Variants in SOX5 observed in about 807,000 individuals in gnomAD.
The protein encoded by SOX5 is SRY-box transcription factor 5, also known as transcription factor SOX-5.
A neutral mutation model predicts 92.0 loss-of-function variants in SOX5; 9 were observed. That is an observed-to-expected ratio of 0.10 (90% CI 0.06 to 0.17). SOX5 has a LOEUF of 0.17. Among genes scored for constraint, SOX5 ranks in the 10% least tolerant of loss-of-function variants. The pLI is 1.00. For synonymous variants in SOX5, 344 were observed against 336.3 expected (o/e 1.02, Z -0.25); for missense variants, 642 against 944.5 (o/e 0.68, Z 4.20).
intron 3 of SOX5, among the ~76,000 whole-genome samples, chr12:24,259,416 C>T (rs1941757942): frequency 6.6e-6 from 1 of 152,236 alleles, no homozygotes; most frequent in African/African-American, 2.4e-5. Context: ...GCATTGTTTA[C>T]TGAGTATTTA....
chr12:23,639,067 C>T (rs2079670182), intron 8 of SOX5, among the ~76,000 whole-genome samples: 1 of 151,950 alleles, frequency 6.6e-6, no homozygotes, highest in African/African-American at 2.4e-5. Flanking sequence ...GGAACTTTAT[C>T]CCATTTACAT....
chr12:24,229,313 A>G (rs926747944), intron 3 of SOX5, among the ~76,000 whole-genome samples: 2 of 152,224 alleles, frequency 1.3e-5, no homozygotes, highest in African/African-American at 2.4e-5. Context: ...TTTGATTCTC[A>G]TTGCCAAGTG....
chr12:23,779,240 C>T (rs2095204371), intron 3 of SOX5, among the ~76,000 whole-genome samples: 1 of 151,900 alleles, frequency 6.6e-6, no homozygotes, highest in Non-Finnish European at 1.5e-5. Flanking sequence ...TTTTATGACA[C>T]TTCAGGCACA....
chr12:24,528,248 G>A (rs181512605), intron 1 of SOX5, among the ~76,000 whole-genome samples: 14 of 152,244 alleles, frequency 9.2e-5, no homozygotes, highest in Non-Finnish European at 2.1e-4. Context: ...TGGCAGAGTC[G>A]GCTCTGCTGG....
At position 24,414,339 on chromosome 12, in the gene SOX5, A is replaced by G. The variant is rs183227987; in HGVS notation, c.-250-45700T>C. Among the ~76,000 whole-genome samples the G allele has an allele frequency of 5.0e-4, 76 of 152,324 alleles. No homozygotes were observed. The East Asian group carries it at 0.014, about 27-fold the overall frequency. ...ACTTAGATGCTGCCTAAATATGAAC[A>G]AACAGTGGATCCCATTGGGGGAAAA... On this transcript the variant is annotated intron_variant, in intron 1 of 4. Coordinates refer to the SOX5 transcript ENST00000446891.
intron 6 of SOX5, among the ~76,000 whole-genome samples, chr12:23,671,678 T>A (rs2084804737): frequency 1.3e-5 from 2 of 152,024 alleles, no homozygotes; most frequent in South Asian, 4.1e-4. Flanking sequence ...TTAGGAAAAA[T>A]TAAAAATAAA....
intron 3 of SOX5, among the ~76,000 whole-genome samples, chr12:23,764,338 G>C (rs2094646429): frequency 1.3e-5 from 2 of 151,924 alleles, no homozygotes; most frequent in Admixed American, 1.3e-4. Context: ...ATATATGTGA[G>C]ATAGAACAAA....
chr12:24,471,621 G>A (rs1203039328), intron 1 of SOX5, among the ~76,000 whole-genome samples: 1 of 152,154 alleles, frequency 6.6e-6, no homozygotes, highest in East Asian at 1.9e-4. Flanking sequence ...TGGGGGAGGA[G>A]CAGGGGCTGA....
intron 3 of SOX5, among the ~76,000 whole-genome samples, chr12:24,235,093 C>A (rs1345206792): frequency 6.6e-6 from 1 of 152,192 alleles, no homozygotes; most frequent in Non-Finnish European, 1.5e-5. Context: ...TTTAAAATCT[C>A]CTCTGTACTG....
intron 4 of SOX5, among the ~76,000 whole-genome samples, chr12:24,172,573 G>T (rs1032967727): frequency 6.6e-6 from 1 of 152,008 alleles, no homozygotes; most frequent in Non-Finnish European, 1.5e-5. Flanking sequence ...ATAAGAGAAA[G>T]AAAAAGGAAG....
At chr12:24,486,379 G>A (rs1314431305) in intron 1 of SOX5, among the ~76,000 whole-genome samples, 4 of 152,142 alleles carry the variant, frequency 2.6e-5, no homozygotes, top group South Asian at 2.1e-4. Context: ...TGTGGAGTAC[G>A]TCCAGGAAGG....
intron 2 of SOX5, among the ~76,000 whole-genome samples, chr12:23,885,139 T>G (rs1379734355): frequency 1.3e-5 from 2 of 152,082 alleles, no homozygotes; most frequent in Non-Finnish European, 2.9e-5. Flanking sequence ...CCTAGCAATC[T>G]CTCCTACTCC....
At chr12:24,093,683 T>C (rs559304150) in intron 4 of SOX5, among the ~76,000 whole-genome samples, 2 of 143,662 alleles carry the variant, frequency 1.4e-5, no homozygotes, top group East Asian at 2.2e-4. Context: ...GAAAATATTT[T>C]GGTTGTCCTT....
rs150649257 is a variant in SOX5, at chr12:24,171,545, T to C, written c.-2+41798A>G. On this transcript the variant is annotated intron_variant, in intron 4 of 4. Coordinates refer to the SOX5 transcript ENST00000446891. Reference sequence around the variant, plus strand: ...GCCAGCCAACAGACAGTTTTTAAAGTGTTGACTATGATTTGCTCAGAATTT... The same window carrying C: ...GCCAGCCAACAGACAGTTTTTAAAGCGTTGACTATGATTTGCTCAGAATTT... Among the ~76,000 whole-genome samples the C allele has an allele frequency of 5.4e-3, 817 of 152,094 alleles. 8 individuals are homozygous for C. Among genetic ancestry groups the C allele is most frequent in the African/African-American group, 0.019 (776 of 41,470 alleles).
chr12:24,153,429 T>C (rs1395452214), intron 4 of SOX5, among the ~76,000 whole-genome samples: 1 of 152,176 alleles, frequency 6.6e-6, no homozygotes, highest in Non-Finnish European at 1.5e-5. Flanking sequence ...GGTTTCTTGA[T>C]GATTACATCA....
At chr12:24,224,888 G>T (rs750428671) in intron 3 of SOX5, among the ~76,000 whole-genome samples, 1 of 152,082 alleles carries the variant, frequency 6.6e-6, no homozygotes, top group Non-Finnish European at 1.5e-5. Flanking sequence ...TACATAGGCT[G>T]AATAAATTCC....
At chr12:23,726,125 GAGAGAGAGAGAGAGAGAGAGAGA>G (rs2093106903) in intron 6 of SOX5, among the ~76,000 whole-genome samples, 2 of 10,056 alleles carry the variant, frequency 2.0e-4, no homozygotes, top group African/African-American at 1.1e-3. Context: ...CCCCGAGAGA[GAGAGAGAGAGAGAGAGAGAGAGA>G]GAGAGAGAGA....
At chr12:24,056,043 T>C (rs754452134) in intron 4 of SOX5, among the ~76,000 whole-genome samples, 1 of 152,164 alleles carries the variant, frequency 6.6e-6, no homozygotes, top group Non-Finnish European at 1.5e-5. Context: ...GTGCCACACC[T>C]TTTTTAAACA....
intron 3 of SOX5, among the ~76,000 whole-genome samples, chr12:23,818,118 T>A (rs1386607720): frequency 2.0e-5 from 3 of 152,196 alleles, no homozygotes; most frequent in Admixed American, 6.5e-5. Context: ...CATTCTGTAT[T>A]GAGATCCTGA....
Sources: gnomAD v4.1 joint callset for allele counts (sites outside exome capture counted in the v4.1 genomes callset) on GRCh38, gnomAD v4.1.1 for gene constraint, MANE v1.5 for transcripts, NCBI Gene and HGNC (gene_info 2026-07-23, HGNC 2026-07-21) for gene names.